The following ZPBP variants were observed in gnomAD, a reference collection of about 807,000 sequenced individuals.
The protein encoded by ZPBP is zona pellucida-binding protein 1.
Under a neutral mutation model 44.8 loss-of-function variants are expected in ZPBP, and 26 were observed. The observed-to-expected ratio is 0.58, with a 90% confidence interval of 0.43 to 0.81. ZPBP has a LOEUF of 0.81. Among genes scored for constraint, ZPBP ranks in the 30% least tolerant of loss-of-function variants. The probability of loss-of-function intolerance (pLI) is 0.00; values close to 1 mark genes in which losing one functional copy is unlikely to be tolerated. For missense variants in ZPBP, 409 were observed against 434.0 expected (o/e 0.94, Z 0.51); for synonymous variants, 174 against 153.2 (o/e 1.14, Z -1.00).
intron 6 of ZPBP, among the ~76,000 whole-genome samples, chr7:50,011,801 C>T (rs1198261319): frequency 2.0e-5 from 3 of 151,974 alleles, no homozygotes. Context: ...ACTGTAATCC[C>T]AGCACTTTGG....
intron 2 of ZPBP, among the ~76,000 whole-genome samples, chr7:49,855,711 C>T (rs749729262): frequency 6.6e-6 from 1 of 152,148 alleles, no homozygotes; most frequent in African/African-American, 2.4e-5. Context: ...CAGGCAAAAA[C>T]GAGTCCCCTG....
chr7:50,057,760 G>A (rs1801034664), intron 4 of ZPBP, among the ~76,000 whole-genome samples: 1 of 152,116 alleles, frequency 6.6e-6, no homozygotes, highest in South Asian at 2.1e-4. Flanking sequence ...AAATTTATCT[G>A]TGTGTACATG....
chr7:49,890,730 CA>C (rs150953956), intron 2 of ZPBP, among the ~76,000 whole-genome samples: 3,002 of 145,320 alleles, frequency 0.021, 64 homozygotes, highest in African/African-American at 0.05. Context: ...CAAAGCAAAA[CA>C]AAAAAAAAAA....
chr7:50,067,177 C>T (rs1309303386), intron 3 of ZPBP, among the ~76,000 whole-genome samples: 1 of 152,134 alleles, frequency 6.6e-6, no homozygotes, highest in African/African-American at 2.4e-5. Flanking sequence ...TTAAAGCCTG[C>T]ATTTGCCTTT....
At chr7:50,010,949 T>C (rs964561562) in intron 6 of ZPBP, among the ~76,000 whole-genome samples, 2 of 148,228 alleles carry the variant, frequency 1.3e-5, no homozygotes, top group African/African-American at 5.0e-5. Flanking sequence ...GTCATCACAT[T>C]ACCCGACTTC....
chr7:50,048,804 T>C (rs1409309701), intron 4 of ZPBP, among the ~76,000 whole-genome samples: 1 of 151,620 alleles, frequency 6.6e-6, no homozygotes, highest in Non-Finnish European at 1.5e-5. Flanking sequence ...AAACTAAATA[T>C]AAAACACGCA....
intron 2 of ZPBP, among the ~76,000 whole-genome samples, chr7:49,890,608 G>A (rs532348126): frequency 6.6e-6 from 1 of 152,134 alleles, no homozygotes; most frequent in Middle Eastern, 3.4e-3. Context: ...AATATACTGT[G>A]ACAGTGAAAT....
At chr7:49,930,571 G>A (rs546681032) in intron 1 of ZPBP, among the ~76,000 whole-genome samples, 24 of 152,204 alleles carry the variant, frequency 1.6e-4, no homozygotes, top group African/African-American at 5.8e-4. Context: ...CACATTAAAT[G>A]AATGACTTAA....
At chr7:50,037,615 A>C (rs1799880783) in intron 4 of ZPBP, among the ~76,000 whole-genome samples, 1 of 152,164 alleles carries the variant, frequency 6.6e-6, no homozygotes, top group Non-Finnish European at 1.5e-5. Flanking sequence ...TATCACAAGC[A>C]CAAGGAGGAA....
At chr7:50,041,386 G>A (rs922937883) in intron 4 of ZPBP, among the ~76,000 whole-genome samples, 1 of 152,168 alleles carries the variant, frequency 6.6e-6, no homozygotes, top group African/African-American at 2.4e-5. Context: ...AGCAGGCGTC[G>A]ACAGACACCT....
At chr7:49,965,495 C>A (rs1167420138) in intron 7 of ZPBP, among the ~76,000 whole-genome samples, 1 of 151,970 alleles carries the variant, frequency 6.6e-6, no homozygotes, top group African/African-American at 2.4e-5. Flanking sequence ...AGCAGAGCTA[C>A]ACCAAAAGAA....
chr7:49,906,879 T>C (rs191721240), intron 1 of ZPBP, among the ~76,000 whole-genome samples: 1 of 152,314 alleles, frequency 6.6e-6, no homozygotes, highest in Admixed American at 6.5e-5. Flanking sequence ...ATACAGGCTT[T>C]ACTAATCAAT....
chr7:49,957,078 G>T (rs1240325944), intron 7 of ZPBP, among the ~76,000 whole-genome samples: 1 of 152,058 alleles, frequency 6.6e-6, no homozygotes, highest in African/African-American at 2.4e-5. Flanking sequence ...TCTGAGTTTG[G>T]CCCCTTTGTC....
rs752449510 is a variant in ZPBP, at chr7:50,089,622, T to C, written c.208+7A>G. 22 of 1,593,946 alleles carry C rather than the reference T, an allele frequency of 1.4e-5. No homozygotes were observed. Among genetic ancestry groups the C allele is most frequent in the East Asian group, 1.1e-4 (5 of 44,658 alleles). On this transcript the variant is annotated splice_region_variant and intron_variant, in intron 2 of 7. Coordinates refer to ENST00000046087, the MANE Select transcript of ZPBP (RefSeq NM_007009.3). Reference sequence around the variant, plus strand: ...TTAAAAATTAGTGAAAATATATTTATGAATACCTGGAAAACTTGTTGATCC... The same window carrying C: ...TTAAAAATTAGTGAAAATATATTTACGAATACCTGGAAAACTTGTTGATCC...
intron 7 of ZPBP, among the ~76,000 whole-genome samples, chr7:49,979,249 A>ATC (rs888675260): frequency 6.6e-6 from 1 of 151,704 alleles, no homozygotes; most frequent in African/African-American, 2.4e-5. Flanking sequence ...CTTGTGATCT[A>ATC]TCCTATTGCA....
At chr7:49,870,643 A>C (rs1791110568) in intron 2 of ZPBP, among the ~76,000 whole-genome samples, 1 of 152,330 alleles carries the variant, frequency 6.6e-6, no homozygotes, top group Middle Eastern at 3.4e-3. Flanking sequence ...TCACATGTGC[A>C]TCAGGAAGGC....
At chr7:50,075,277 T>A (rs1431071809) in intron 3 of ZPBP, among the ~76,000 whole-genome samples, 1 of 151,730 alleles carries the variant, frequency 6.6e-6, no homozygotes, top group Non-Finnish European at 1.5e-5. Context: ...AAATCAGTAC[T>A]AAGAGAGAAA....
At chr7:49,923,220 T>C (rs1210571402) in intron 1 of ZPBP, among the ~76,000 whole-genome samples, 2 of 151,972 alleles carry the variant, frequency 1.3e-5, no homozygotes, top group African/African-American at 4.8e-5. Context: ...CTAAAGTTGA[T>C]GACAGACGAT....
chr7:49,964,430 G>A (rs1795980377), intron 7 of ZPBP, among the ~76,000 whole-genome samples: 1 of 151,840 alleles, frequency 6.6e-6, no homozygotes, highest in Non-Finnish European at 1.5e-5. Context: ...GGTTTAATAG[G>A]TCACAAGAAA....
Sources: gnomAD v4.1 joint callset for allele counts (sites outside exome capture counted in the v4.1 genomes callset) on GRCh38, gnomAD v4.1.1 for gene constraint, MANE v1.5 for transcripts, NCBI Gene and HGNC (gene_info 2026-07-23, HGNC 2026-07-21) for gene names.